The following CADPS variants were observed in gnomAD, a reference collection of about 807,000 sequenced individuals.
CADPS encodes calcium-dependent secretion activator 1.
A neutral mutation model predicts 167.3 loss-of-function variants in CADPS; 57 were observed. The ratio of observed to expected loss-of-function variants is 0.34; its 90% confidence interval spans 0.28 to 0.42. The LOEUF (loss-of-function observed/expected upper bound fraction) is 0.42, where lower values mean the gene tolerates loss of function less well. Ranked by LOEUF, CADPS falls within the 20% of genes least tolerant of loss-of-function variation. The probability of loss-of-function intolerance (pLI) is 1.00; values close to 1 mark genes in which losing one functional copy is unlikely to be tolerated. For synonymous variants in CADPS, 676 were observed against 635.3 expected, an observed-to-expected ratio of 1.06 and a Z score of -0.96; for missense variants, 1,414 against 1,738.1, an observed-to-expected ratio of 0.81 and a Z score of 3.32.
chr3:62,584,893 A>G (rs1031195384), intron 8 of CADPS, among the ~76,000 whole-genome samples: 2 of 152,116 alleles, frequency 1.3e-5, no homozygotes, highest in Non-Finnish European at 2.9e-5. Context: ...AGCCTGTAAG[A>G]CCTCTCCAAA....
chr3:62,448,675 G>A (rs1380523073), intron 26 of CADPS, among the ~76,000 whole-genome samples: 5 of 151,944 alleles, frequency 3.3e-5, no homozygotes, highest in Non-Finnish European at 5.9e-5. Flanking sequence ...GTGCAGTGGC[G>A]CGATCTCGGC....
At chr3:62,573,167 G>T (rs1290769875) in intron 8 of CADPS, among the ~76,000 whole-genome samples, 1 of 152,090 alleles carries the variant, frequency 6.6e-6, no homozygotes, top group African/African-American at 2.4e-5. Flanking sequence ...CAGGCGTGAG[G>T]TACCTCGCCT....
intron 10 of CADPS, among the ~76,000 whole-genome samples, chr3:62,552,415 C>T (rs1342530502): frequency 6.6e-6 from 1 of 152,178 alleles, no homozygotes; most frequent in Non-Finnish European, 1.5e-5. Flanking sequence ...GGAAACTTCT[C>T]TTTGGGTTCA....
chr3:62,667,410 G>C (rs144486638), intron 3 of CADPS, among the ~76,000 whole-genome samples: 99 of 151,974 alleles, frequency 6.5e-4, no homozygotes, highest in Middle Eastern at 3.4e-3. Context: ...GTGGGATCTT[G>C]AGCCAAAGTC....
Position 62,508,186 on chromosome 3 carries a change from C to T in CADPS, c.2599+4565G>A, listed in dbSNP as rs143927319. On this transcript the variant is annotated intron_variant, in intron 17 of 29. Transcript: ENST00000383710. The stretch of plus-strand genomic sequence containing the variant: ...CCAGTTAATGGATTGTGGATAGGGC[C>T]GTTATATCTTGGCTGAAAGGTAAGG... 1.3e-3 allele frequency among the ~76,000 whole-genome samples: 199 copies of T among 152,168 alleles called. 2 individuals are homozygous for T. The highest frequency in any genetic ancestry group is 4.6e-3 in the African/African-American group (189 of 41,498).
intron 24 of CADPS, among the ~76,000 whole-genome samples, chr3:62,471,613 G>A (rs964406789): frequency 1.3e-5 from 2 of 152,066 alleles, no homozygotes; most frequent in African/African-American, 4.8e-5. Context: ...TTTGAAACAT[G>A]GCCGTCATTG....
intron 18 of CADPS, among the ~76,000 whole-genome samples, chr3:62,497,479 G>T (rs1452078): frequency 2.0e-5 from 3 of 152,144 alleles, no homozygotes; most frequent in Non-Finnish European, 2.9e-5. Context: ...ACTTACCATC[G>T]CCGGAACCCC....
chr3:62,447,640 A>C (rs1048288307), intron 26 of CADPS, among the ~76,000 whole-genome samples: 3 of 152,198 alleles, frequency 2.0e-5, no homozygotes, highest in African/African-American at 4.8e-5. Flanking sequence ...AAGTAAGCAG[A>C]GGCAAGATTG....
chr3:62,755,338 G>A (rs1564703563), intron 2 of CADPS, among the ~76,000 whole-genome samples: 2 of 152,242 alleles, frequency 1.3e-5, no homozygotes, highest in East Asian at 1.9e-4. Context: ...CCCACCATTC[G>A]GAAGCTTACA....
intron 3 of CADPS, among the ~76,000 whole-genome samples, chr3:62,721,005 G>C (rs2075684467): frequency 6.6e-6 from 1 of 151,116 alleles, no homozygotes; most frequent in South Asian, 2.1e-4. Flanking sequence ...TTTTAGTAGA[G>C]ACGGGGTTTC....
chr3:62,859,949 T>C (rs943206433), intron 1 of CADPS, among the ~76,000 whole-genome samples: 1 of 152,190 alleles, frequency 6.6e-6, no homozygotes, highest in African/African-American at 2.4e-5. Flanking sequence ...TGCCTTGGTT[T>C]AGTGTTATTT....
chr3:62,598,568 AT>A (rs560313251), intron 6 of CADPS, among the ~76,000 whole-genome samples: 186 of 152,344 alleles, frequency 1.2e-3, no homozygotes, highest in Non-Finnish European at 2.5e-3. Context: ...CTAGGCACAA[AT>A]TCCTATCTCA....
intron 8 of CADPS, among the ~76,000 whole-genome samples, chr3:62,573,556 G>A (rs1290127684): frequency 6.6e-6 from 1 of 152,118 alleles, no homozygotes; most frequent in African/African-American, 2.4e-5. Context: ...CCCTTGACTT[G>A]GCTTCTGCCC....
chr3:62,532,947 C>T lies in CADPS; in HGVS notation c.2215G>A (p.Glu739Lys), dbSNP rs1293617971. ...CYLRDLLERA[E>K]NGAMIDPTLL... ...GTGGGGTCGATCATGGCGCCATTTT[C>T]TGCCCGTTCAAGCAAGTCTCTGAGG... The change falls in exon 13 of 30, where the codon GAA (glutamate) becomes AAA (lysine). Residue 739 changes from glutamate (E) to lysine (K), a missense_variant. Around this residue, in one of 6 missense-constraint regions of CADPS, gnomAD observed 529 missense variants for 629.6 expected, o/e 0.84. Coordinates refer to ENST00000383710, the MANE Select transcript of CADPS (RefSeq NM_003716.4). 2 of 1,613,878 alleles carry T rather than the reference C, an allele frequency of 1.2e-6. No individual in the cohort carries two copies. The highest frequency in any genetic ancestry group is 2.2e-5 in the South Asian group (2 of 91,070).
chr3:62,537,915 G>A (rs747153133), intron 11 of CADPS, among the ~76,000 whole-genome samples: 2 of 150,272 alleles, frequency 1.3e-5, no homozygotes, highest in African/African-American at 2.5e-5. Flanking sequence ...TTAAAAAAAC[G>A]TTGTCATTTT....
intron 8 of CADPS, among the ~76,000 whole-genome samples, chr3:62,582,309 G>A (rs1306896872): frequency 6.6e-6 from 1 of 152,142 alleles, no homozygotes; most frequent in East Asian, 1.9e-4. Context: ...AGCTGGGTGT[G>A]GTGGTGCACA....
intron 8 of CADPS, among the ~76,000 whole-genome samples, chr3:62,577,256 G>C (rs1257433795): frequency 6.6e-6 from 1 of 152,158 alleles, no homozygotes; most frequent in African/African-American, 2.4e-5. Flanking sequence ...TGAATTTAAC[G>C]TGAATTAGTA....
intron 26 of CADPS, among the ~76,000 whole-genome samples, chr3:62,460,892 C>T (rs1029328416): frequency 2.0e-5 from 3 of 152,184 alleles, no homozygotes; most frequent in African/African-American, 4.8e-5. Context: ...TTGTGAGTGG[C>T]TTCCATGTTG....
chr3:62,603,718 T>C (rs1322485452), intron 6 of CADPS, among the ~76,000 whole-genome samples: 1 of 152,218 alleles, frequency 6.6e-6, no homozygotes, highest in East Asian at 1.9e-4. Flanking sequence ...TTCTTGCACT[T>C]TTTCCATTAG....
Sources: allele counts gnomAD v4.1 joint callset (sites outside exome capture counted in the v4.1 genomes callset), GRCh38; gene constraint gnomAD v4.1.1; regional missense constraint gnomAD v4.1.1; transcripts MANE v1.5; gene names NCBI Gene and HGNC (gene_info 2026-07-23, HGNC 2026-07-21).